Variants in ZNF439 observed in about 807,000 individuals in gnomAD.
ZNF439 encodes the protein zinc finger protein 439.
Under a neutral mutation model 47.3 loss-of-function variants are expected in ZNF439, and 40 were observed. That is an observed-to-expected ratio of 0.85 (90% CI 0.66 to 1.10). ZNF439 has a LOEUF of 1.10. Ranked by LOEUF, ZNF439 falls within the 50% of genes least tolerant of loss-of-function variation. The pLI is 0.00. For missense variants in ZNF439, 556 were observed against 601.1 expected, an observed-to-expected ratio of 0.93 and a Z score of 0.78; for synonymous variants, 171 against 198.8, an observed-to-expected ratio of 0.86 and a Z score of 1.18.
chr19:11,848,740 C>A lies in ZNF439; in HGVS notation c.-128C>A. 1 of 1,199,362 alleles carries A rather than the reference C, an allele frequency of 8.3e-7. No individual in the cohort carries two copies. The highest frequency in any genetic ancestry group is 1.5e-5 in the South Asian group (1 of 66,442). The allele number at this position is 1,199,362 out of a possible 1,614,324, so 74.3% of individuals were successfully genotyped here. A position where few individuals can be genotyped will look rare whatever the true frequency, so the allele number is the denominator to read the frequency against. ...GGGCCCTGCCCACTGTGCATCCAGG[C>A]ACGGAGGATGTTGCATTCCTGCCGT... On this transcript the variant is annotated 5_prime_UTR_variant, in exon 1 of 4. Coordinates refer to ENST00000682736, the MANE Select transcript of ZNF439 (RefSeq NM_001348719.2).
Position 11,868,909 on chromosome 19 carries a change from G to T in ZNF439, c.*340G>T. The T allele has an allele frequency of 2.9e-6, 1 of 350,508 alleles. No individual in the cohort carries two copies. The highest frequency in any genetic ancestry group is 3.2e-5 in the South Asian group (1 of 31,730). The allele number at this position is 350,508 out of a possible 1,614,324, so 21.7% of individuals were successfully genotyped here. On this transcript the variant is annotated 3_prime_UTR_variant, in exon 4 of 4. Transcript: ENST00000682736. ...GAGGAGAGGCGCCCTAAGAATGTAA[G>T]CATTGTGGGAAAGCATTCATATCTG... is the stretch of plus-strand genomic sequence containing the variant.
At position 11,848,970 on chromosome 19, in the gene ZNF439, C is replaced by G. The variant is rs951080591; in HGVS notation, c.63+40C>G. 5.3e-6 allele frequency: 8 copies of G among 1,507,718 alleles called. No homozygotes were observed. The African/African-American group carries it at 9.8e-5, about 18-fold the overall frequency. 93.4% of individuals were successfully genotyped at this position (1,507,718 alleles called of 1,614,324 possible). On this transcript the variant is annotated intron_variant, in intron 1 of 3. Coordinates refer to ENST00000682736, the MANE Select transcript of ZNF439 (RefSeq NM_001348719.2). ...CGGGAGTGGTGCGATGGGGGAGGGG[C>G]TGCCTGGAACTGGCGGGACCCGGGC... is the stretch of plus-strand genomic sequence containing the variant.
intron 1 of ZNF439, among the ~76,000 whole-genome samples, chr19:11,851,855 C>T (rs1190731132): frequency 6.6e-6 from 1 of 151,978 alleles, no homozygotes; most frequent in African/African-American, 2.4e-5. Flanking sequence ...GATACATTGC[C>T]CAGGCTTGTC....
chr19:11,862,417 AT>A (rs111255335), intron 1 of ZNF439, among the ~76,000 whole-genome samples: 2,174 of 142,880 alleles, frequency 0.015, 30 homozygotes, highest in African/African-American at 0.046. Context: ...GAACTCCTCT[AT>A]TTTTTTTTTT....
At chr19:11,866,493 A>G (rs754358379) in intron 2 of ZNF439, 44 bp from the exon 3 acceptor site, 8 of 1,607,402 alleles carry the variant, frequency 5.0e-6, no homozygotes, top group South Asian at 2.2e-5. Flanking sequence ...TTTTTTCACA[A>G]TTTTATACTG....
intron 3 of ZNF439, 119 bp from the exon 4 acceptor site, chr19:11,867,187 A>C: frequency 3.3e-6 from 4 of 1,204,518 alleles, no homozygotes; most frequent in Non-Finnish European, 4.6e-6. Flanking sequence ...AACAATTCAG[A>C]CAGGGCAGAA....
At chr19:11,857,036 T>A (rs143509873) in intron 1 of ZNF439, 1 of 152,324 alleles carries the variant, frequency 6.6e-6, no homozygotes, top group African/African-American at 2.4e-5. Context: ...AAAACTAGAA[T>A]GACTGTAATT....
At chr19:11,860,016 T>A (rs1356892782) in intron 1 of ZNF439, among the ~76,000 whole-genome samples, 2 of 152,172 alleles carry the variant, frequency 1.3e-5, no homozygotes, top group African/African-American at 2.4e-5. Context: ...GATGAGCCCA[T>A]TTTAATCCTT....
intron 1 of ZNF439, 40 bp downstream of exon 1, chr19:11,848,970 C>T: frequency 1.3e-6 from 2 of 1,507,836 alleles, no homozygotes; most frequent in Non-Finnish European, 1.8e-6. Flanking sequence ...GGGGGAGGGG[C>T]TGCCTGGAAC....
intron 1 of ZNF439, among the ~76,000 whole-genome samples, chr19:11,852,507 T>TTTG (rs1976276028): frequency 6.6e-6 from 1 of 152,148 alleles, no homozygotes; most frequent in Admixed American, 6.5e-5. Context: ...ACTTGGTTGT[T>TTTG]TTTGTTTGTT....
intron 1 of ZNF439, chr19:11,849,559 A>G (rs1976174264): frequency 6.5e-6 from 1 of 154,314 alleles, no homozygotes; most frequent in African/African-American, 2.4e-5. Flanking sequence ...TGCAGGGAAA[A>G]TGATGGATCA....
chr19:11,859,191 A>G (rs1362571019), intron 1 of ZNF439, among the ~76,000 whole-genome samples: 1 of 152,230 alleles, frequency 6.6e-6, no homozygotes, highest in African/African-American at 2.4e-5. Context: ...TAATCTTTCA[A>G]GAAAATGTGC....
intron 1 of ZNF439, chr19:11,850,593 C>T (rs1013889169): frequency 6.6e-6 from 1 of 152,050 alleles, no homozygotes; most frequent in Non-Finnish European, 1.5e-5. Context: ...GAAAAATGGA[C>T]TCAGTACTCC....
At position 11,868,216 on chromosome 19, in the gene ZNF439, AAATGC is replaced by A; in HGVS notation, c.1165_1169del (p.Cys389AlafsTer4). 3 of 1,614,098 alleles carry A rather than the reference AAATGC, an allele frequency of 1.9e-6. No individual in the cohort carries two copies. The highest frequency in any genetic ancestry group is 2.5e-6 in the Non-Finnish European group (3 of 1,180,014). ...AACTCACAGTGGAGAGAAACCGTATAAATGCAAGCAATGTGGTAAAGCCTTCACTC... is the reference window on the plus strand; with the variant it reads ...AACTCACAGTGGAGAGAAACCGTATAAAGCAATGTGGTAAAGCCTTCACTC... On this transcript the variant is annotated frameshift_variant, in exon 4 of 4. Coordinates refer to ENST00000682736, the MANE Select transcript of ZNF439 (RefSeq NM_001348719.2). LOFTEE classifies it high-confidence loss of function.
At chr19:11,859,107 T>A (rs1489054193) in intron 1 of ZNF439, among the ~76,000 whole-genome samples, 1 of 152,228 alleles carries the variant, frequency 6.6e-6, no homozygotes, top group Non-Finnish European at 1.5e-5. Flanking sequence ...TACGTTTGCA[T>A]TCTCAAAAGC....
At chr19:11,850,850 C>G (rs1475233382) in intron 1 of ZNF439, 2 of 152,068 alleles carry the variant, frequency 1.3e-5, no homozygotes, top group Admixed American at 6.6e-5. Flanking sequence ...GGCAACTTAG[C>G]GAAACCCCGT....
intron 1 of ZNF439, among the ~76,000 whole-genome samples, chr19:11,852,707 A>G (rs1199356612): frequency 6.6e-6 from 1 of 152,056 alleles, no homozygotes; most frequent in Admixed American, 6.6e-5. Flanking sequence ...ACAGGGTTTT[A>G]TCACATTGGC....
At position 11,868,377 on chromosome 19, in the gene ZNF439, A is replaced by C; in HGVS notation, c.1323A>C (p.Lys441Asn). 1 of 1,605,654 alleles carries C rather than the reference A, an allele frequency of 6.2e-7. No homozygotes were observed. Among genetic ancestry groups the C allele is most frequent in the Non-Finnish European group, 8.5e-7 (1 of 1,173,528 alleles). ...QLHGRTHTGEKPYQCKECGKA... is the reference protein window; with the variant it reads ...QLHGRTHTGENPYQCKECGKA... ...ATGGTAGGACTCACACTGGAGAGAAACCGTATCAATGTAAGGAATGTGGGA... is the reference window on the plus strand; with the variant it reads ...ATGGTAGGACTCACACTGGAGAGAACCCGTATCAATGTAAGGAATGTGGGA... Residue 441 changes from lysine to asparagine, a missense_variant, in exon 4 of 4, where the codon AAA becomes AAC. Coordinates refer to ENST00000682736, the MANE Select transcript of ZNF439 (RefSeq NM_001348719.2).
At chr19:11,849,370 G>A (rs1279461373) in intron 1 of ZNF439, 3 of 843,980 alleles carry the variant, frequency 3.6e-6, no homozygotes, top group Admixed American at 6.0e-5. Context: ...AGAAACACCC[G>A]GTCCTGGCTT....
Sources: allele counts gnomAD v4.1 joint callset (sites outside exome capture counted in the v4.1 genomes callset), GRCh38; gene constraint gnomAD v4.1.1; transcripts MANE v1.5; gene names NCBI Gene and HGNC (gene_info 2026-07-23, HGNC 2026-07-21).